The following FAM161B variants were observed in gnomAD, a reference collection of about 807,000 sequenced individuals.
FAM161B encodes protein FAM161B.
Under a neutral mutation model 61.5 loss-of-function variants are expected in FAM161B, and 46 were observed. That is an observed-to-expected ratio of 0.75 (90% CI 0.59 to 0.96). FAM161B has a LOEUF of 0.96. Among genes scored for constraint, FAM161B ranks in the 40% least tolerant of loss-of-function variants. The probability of loss-of-function intolerance (pLI) is 0.00; values close to 1 mark genes in which losing one functional copy is unlikely to be tolerated. For missense variants in FAM161B, 774 were observed against 800.7 expected (o/e 0.97, Z 0.40); for synonymous variants, 284 against 302.7 (o/e 0.94, Z 0.64).
At chr14:73,948,657 T>A (rs2056090382) in intron 1 of FAM161B, among the ~76,000 whole-genome samples, 1 of 152,200 alleles carries the variant, frequency 6.6e-6, no homozygotes, top group East Asian at 1.9e-4. Flanking sequence ...GTGGTTTTAG[T>A]ATATACACAG....
Position 73,938,130 on chromosome 14 carries a change from A to C in FAM161B, c.1401-18T>G, listed in dbSNP as rs778732206. 84 of 1,613,208 alleles carry C rather than the reference A, an allele frequency of 5.2e-5. No individual in the cohort carries two copies. The highest frequency in any genetic ancestry group is 3.5e-4 in the South Asian group (32 of 91,028). ...GTGCACTTCTAAAGGAAGGAGGCAG[A>C]AAAAGAGTATAGATTACCAACCTGG... On this transcript the variant is annotated intron_variant, in intron 5 of 8. Coordinates refer to ENST00000286544, the MANE Select transcript of FAM161B (RefSeq NM_152445.3).
Position 73,944,414 on chromosome 14 carries a change from T to C in FAM161B, c.846A>G (p.Glu282=). The C allele has an allele frequency of 1.9e-6, 3 of 1,612,560 alleles. No homozygotes were observed. The Middle Eastern group carries it at 5.0e-4, about 266-fold the overall frequency. The change falls in exon 3 of 9, where the codon GAA becomes GAG. Residue 282 remains glutamate (E), a synonymous_variant. Coordinates refer to ENST00000286544, the MANE Select transcript of FAM161B (RefSeq NM_152445.3). ...TGGCCTTCTGCTTGGAGATCTTGGC[T>C]TCAGCTGTGGCTGCCAAGTCTCTCT... ...ARQRDLAATA[E]AKISKQKATR... is the part of the protein sequence containing the mutation.
At chr14:73,948,129 T>TTC (rs1441969208) in intron 1 of FAM161B, among the ~76,000 whole-genome samples, 1 of 152,100 alleles carries the variant, frequency 6.6e-6, no homozygotes, top group African/African-American at 2.4e-5. Context: ...TCACCATGCT[T>TTC]CCCAGGCTGG....
rs759255299 is a variant in FAM161B, at chr14:73,949,997, G to C, written c.30C>G (p.Pro10=). 1.9e-6 allele frequency: 3 copies of C among 1,612,824 alleles called. No individual in the cohort carries two copies. Among genetic ancestry groups the C allele is most frequent in the East Asian group, 2.2e-5 (1 of 44,868 alleles). Residue 10 remains proline, a synonymous_variant, in exon 1 of 9, where the codon CCC becomes CCG. Coordinates refer to ENST00000286544, the MANE Select transcript of FAM161B (RefSeq NM_152445.3). MTVGRPEGA[P]GGAEGSRQIF... ...CCTGACGGCTCCCCTCCGCGCCTCC[G>C]GGGGCTCCCTCAGGCCTCCCCACGG...
chr14:73,949,810 G>A, intron 1 of FAM161B, 163 bp downstream of exon 1: 1 of 977,138 alleles, frequency 1.0e-6, no homozygotes. Flanking sequence ...TAAAGTCCGA[G>A]AGGTTCAGGT....
chr14:73,934,488 C>CT, intron 8 of FAM161B, 94 bp from the exon 9 acceptor site: 1 of 1,205,146 alleles, frequency 8.3e-7, no homozygotes, highest in Non-Finnish European at 1.1e-6. Flanking sequence ...GGCATGATCT[C>CT]AGCTCACTGC....
At position 73,941,024 on chromosome 14, in the gene FAM161B, C is replaced by T. The variant is rs771133695; in HGVS notation, c.1302G>A (p.Leu434=). 2 of 1,610,346 alleles carry T rather than the reference C, an allele frequency of 1.2e-6. No homozygotes were observed. The highest frequency in any genetic ancestry group is 1.7e-6 in the Non-Finnish European group (2 of 1,178,110). ...GGCCGCTCAGAGAACGACTCCTTGG[C>T]AGGGGTGTAGCTGGTGGCTGTGGGG... The part of the protein sequence containing the change: ...QDSPQPPATP[L]PRSRSLSGLA... Residue 434 remains leucine (L), a synonymous_variant, in exon 5 of 9, where the codon CTG becomes CTA. Transcript: ENST00000286544.
chr14:73,922,918 T>C, the FAM161B span: 1 of 152,448 alleles, frequency 6.6e-6, no homozygotes, highest in Admixed American at 6.5e-5. Context: ...AGAAGAAACT[T>C]CTAGTTTTTT....
the FAM161B span, chr14:73,923,489 A>G: frequency 2.5e-6 from 4 of 1,613,576 alleles, no homozygotes; most frequent in South Asian, 4.4e-5. Flanking sequence ...AATCATATGA[A>G]GTTTCTGTCT....
At position 73,949,952 on chromosome 14, in the gene FAM161B, CA is replaced by C. The variant is rs974975152; in HGVS notation, c.54+20del. The C allele has an allele frequency of 5.6e-6, 9 of 1,612,570 alleles. No homozygotes were observed. The African/African-American group carries it at 1.2e-4, about 22-fold the overall frequency. ...CTCTCCGGGATTCCTTTCCCGGGGG[CA>C]GTCTCTTTTCTCTCCTCACCTGACG... is the stretch of plus-strand genomic sequence containing the variant. On this transcript the variant is annotated intron_variant, in intron 1 of 8. Transcript: ENST00000286544.
chr14:73,928,361 G>T (rs1168867253), downstream of FAM161B, among the ~76,000 whole-genome samples: 1 of 152,080 alleles, frequency 6.6e-6, no homozygotes, highest in Non-Finnish European at 1.5e-5. Context: ...AGTGTGATGG[G>T]ACATGGGATG....
At chr14:73,945,506 C>T (rs2056058787) in intron 2 of FAM161B, among the ~76,000 whole-genome samples, 1 of 152,158 alleles carries the variant, frequency 6.6e-6, no homozygotes, top group African/African-American at 2.4e-5. Context: ...TCTTGGCTCA[C>T]TGCAACCTCC....
Position 73,933,994 on chromosome 14 carries a change from G to GT in FAM161B, c.*261dup, listed in dbSNP as rs760118123. ...GTGTCATCACGCCCAGCTAATTTTT[G>GT]TATTTTTAGTAGAGGTGGAGTTTTG... On this transcript the variant is annotated 3_prime_UTR_variant, in exon 9 of 9. Transcript: ENST00000286544. 5.1e-5 allele frequency: 16 copies of GT among 313,360 alleles called. No individual in the cohort carries two copies. Among genetic ancestry groups the GT allele is most frequent in the Non-Finnish European group, 8.8e-5 (15 of 169,722 alleles). The allele number at this position is 313,360 out of a possible 1,614,324, so 19.4% of individuals were successfully genotyped here.
chr14:73,930,492 C>T (rs930949758), downstream of FAM161B, among the ~76,000 whole-genome samples: 1 of 151,930 alleles, frequency 6.6e-6, no homozygotes, highest in South Asian at 2.1e-4. Flanking sequence ...TATAAATTAC[C>T]TTCATCCAAA....
downstream of FAM161B, among the ~76,000 whole-genome samples, chr14:73,929,052 AGT>A (rs888929202): frequency 6.6e-6 from 1 of 152,208 alleles, no homozygotes; most frequent in Admixed American, 6.5e-5. Context: ...CAAAAGGGAA[AGT>A]GCTGTCCTGG....
the FAM161B span, among the ~76,000 whole-genome samples, chr14:73,926,404 T>G: frequency 2.6e-5 from 4 of 152,148 alleles, no homozygotes; most frequent in East Asian, 7.7e-4. Flanking sequence ...TGGTTATCTA[T>G]TTAAGGAACT....
At chr14:73,946,626 G>A in intron 1 of FAM161B, 21 bp from the exon 2 acceptor site, 1 of 1,596,644 alleles carries the variant, frequency 6.3e-7, no homozygotes, top group South Asian at 1.1e-5. Context: ...ATAGAAATAG[G>A]CTGTGGGTCA....
At chr14:73,923,545 G>T in the FAM161B span, 2 of 1,601,710 alleles carry the variant, frequency 1.2e-6, no homozygotes, top group African/African-American at 1.3e-5. Flanking sequence ...CTTGCCCTTT[G>T]TTTCTGTGAC....
rs921973437 is a variant in FAM161B, at chr14:73,942,773, G to A, written c.926-58C>T. 6.0e-6 allele frequency: 9 copies of A among 1,499,626 alleles called. No homozygotes were observed. The African/African-American group carries it at 1.1e-4, about 19-fold the overall frequency. The allele number at this position is 1,499,626 out of a possible 1,614,324, so 92.9% of individuals were successfully genotyped here. On this transcript the variant is annotated intron_variant, in intron 3 of 8. Coordinates refer to ENST00000286544, the MANE Select transcript of FAM161B (RefSeq NM_152445.3). ...GACCAAGCAAGAAACCTACAGGGTT[G>A]GAGAACTTTCCCTCTTTTACACACT...
Sources: gnomAD v4.1 joint callset for allele counts (sites outside exome capture counted in the v4.1 genomes callset) on GRCh38, gnomAD v4.1.1 for gene constraint, MANE v1.5 for transcripts, NCBI Gene and HGNC (gene_info 2026-07-23, HGNC 2026-07-21) for gene names.